MACC1: variants seen among roughly 807,000 people sequenced by gnomAD.
MACC1 encodes the protein metastasis-associated in colon cancer protein 1.
Under a neutral mutation model 70.7 loss-of-function variants are expected in MACC1, and 79 were observed. The ratio of observed to expected loss-of-function variants is 1.12; its 90% CI spans 0.93 to 1.35. The LOEUF is 1.35. Among genes scored for constraint, MACC1 ranks in the 40% most tolerant of loss-of-function variants. MACC1 has a pLI of 0.00. For missense variants in MACC1, 1,106 were observed against 978.1 expected (o/e 1.13, Z -1.74); for synonymous variants, 361 against 347.2 (o/e 1.04, Z -0.44).
intron 1 of MACC1, among the ~76,000 whole-genome samples, chr7:20,183,997 C>G (rs868799557): frequency 1.3e-5 from 2 of 152,094 alleles, no homozygotes; most frequent in Non-Finnish European, 2.9e-5. Context: ...CATGAGCCAC[C>G]ACACCTGGCC....
chr7:20,182,217 G>C (rs1307376859), intron 1 of MACC1, among the ~76,000 whole-genome samples: 2 of 150,902 alleles, frequency 1.3e-5, no homozygotes, highest in East Asian at 2.0e-4. Context: ...TGGAGGGATA[G>C]CATTAGGAGA....
chr7:20,140,856 C>G lies in MACC1; in HGVS notation c.*90G>C. The G allele has an allele frequency of 2.2e-6, 2 of 890,950 alleles. No individual in the cohort carries two copies. The highest frequency in any genetic ancestry group is 3.4e-6 in the Non-Finnish European group (2 of 581,112). The allele number at this position is 890,950 out of a possible 1,614,324, so 55.2% of individuals were successfully genotyped here. On this transcript the variant is annotated 3_prime_UTR_variant, in exon 7 of 7. Coordinates refer to ENST00000400331, the MANE Select transcript of MACC1 (RefSeq NM_182762.4). ...ACACACACAGACACACACACACAGA[C>G]ACACAGAGACACACACAGACACACA... is the stretch of plus-strand genomic sequence containing the variant.
At chr7:20,184,533 G>T (rs1429670645) in intron 1 of MACC1, among the ~76,000 whole-genome samples, 6 of 152,118 alleles carry the variant, frequency 3.9e-5, no homozygotes, top group Non-Finnish European at 8.8e-5. Flanking sequence ...AAGCAGCAAA[G>T]AATTGTTATA....
intron 1 of MACC1, among the ~76,000 whole-genome samples, chr7:20,193,696 C>A (rs1169390314): frequency 1.3e-5 from 2 of 152,096 alleles, no homozygotes; most frequent in African/African-American, 4.8e-5. Context: ...GGGCCATGTC[C>A]CACTTTGTAA....
chr7:20,216,867 C>G lies in MACC1; in HGVS notation c.-218+432G>C, dbSNP rs1372655212. ...AAACATCTTGTCAATGGTCATAAAT[C>G]TAATAAGCAGTGGGGCTGCTGATTG... On this transcript the variant is annotated intron_variant, in intron 1 of 6. Coordinates refer to ENST00000400331, the MANE Select transcript of MACC1 (RefSeq NM_182762.4). 9.8e-5 allele frequency among the ~76,000 whole-genome samples: 15 copies of G among 152,304 alleles called. No individual in the cohort carries two copies. In the East Asian group the frequency reaches 2.9e-3, roughly 29 times the overall value.
intron 6 of MACC1, among the ~76,000 whole-genome samples, chr7:20,146,713 C>T (rs1409484216): frequency 6.6e-6 from 1 of 152,166 alleles, no homozygotes; most frequent in Non-Finnish European, 1.5e-5. Context: ...AAAAGATATG[C>T]AGAAACTCTA....
At chr7:20,173,823 G>A (rs1490157871) in intron 1 of MACC1, among the ~76,000 whole-genome samples, 1 of 152,168 alleles carries the variant, frequency 6.6e-6, no homozygotes, top group Middle Eastern at 3.2e-3. Flanking sequence ...TGAGATTGAT[G>A]CTCTTGGGTA....
chr7:20,148,562 C>T (rs1192586695), intron 6 of MACC1, among the ~76,000 whole-genome samples: 5 of 152,066 alleles, frequency 3.3e-5, no homozygotes, highest in Non-Finnish European at 5.9e-5. Context: ...TAATGTTTAA[C>T]TTAATATGCA....
chr7:20,209,681 G>C (rs183444041), intron 1 of MACC1, among the ~76,000 whole-genome samples: 1 of 152,106 alleles, frequency 6.6e-6, no homozygotes, highest in African/African-American at 2.4e-5. Context: ...TTAAGGCTTT[G>C]GGGGGGACTA....
intron 4 of MACC1, among the ~76,000 whole-genome samples, chr7:20,161,190 GCAGAAGAGCCAACCAAATTTT>G (rs1235910049): frequency 6.6e-6 from 1 of 151,950 alleles, no homozygotes; most frequent in Non-Finnish European, 1.5e-5. Context: ...TTAGAGACAG[GCAGAAGAGCCAACCAAATTTT>G]CAGAAGTTCT....
At chr7:20,185,475 T>C (rs1024442852) in intron 1 of MACC1, among the ~76,000 whole-genome samples, 3 of 11,896 alleles carry the variant, frequency 2.5e-4, no homozygotes, top group Non-Finnish European at 1.4e-4. Flanking sequence ...GCTTACAAAG[T>C]TTATTTAAAA....
chr7:20,209,193 C>T (rs750017049), intron 1 of MACC1, among the ~76,000 whole-genome samples: 1 of 152,228 alleles, frequency 6.6e-6, no homozygotes, highest in South Asian at 2.1e-4. Context: ...CTCTGGGGCA[C>T]TGCCCAGTGG....
chr7:20,196,644 C>G (rs1782759372), intron 1 of MACC1, among the ~76,000 whole-genome samples: 1 of 151,828 alleles, frequency 6.6e-6, no homozygotes, highest in Admixed American at 6.6e-5. Flanking sequence ...TGTGTATGTG[C>G]TCTATGTAAT....
intron 1 of MACC1, among the ~76,000 whole-genome samples, chr7:20,190,487 C>A (rs1172479646): frequency 1.3e-5 from 2 of 152,128 alleles, no homozygotes; most frequent in African/African-American, 4.8e-5. Flanking sequence ...GTGGAACTGG[C>A]AAATGAATAT....
chr7:20,191,478 G>C (rs1483110643), intron 1 of MACC1, among the ~76,000 whole-genome samples: 1 of 131,680 alleles, frequency 7.6e-6, no homozygotes, highest in Middle Eastern at 3.3e-3. Context: ...GAACTGATGA[G>C]GAGGTGCTGC....
intron 1 of MACC1, 111 bp downstream of exon 1, chr7:20,217,188 G>C (rs1369510973): frequency 6.6e-6 from 1 of 152,168 alleles, no homozygotes; most frequent in African/African-American, 2.4e-5. Flanking sequence ...AGCAGGGCTT[G>C]ATTTGTTAAG....
chr7:20,207,377 C>G (rs1206506826), intron 1 of MACC1, among the ~76,000 whole-genome samples: 1 of 151,834 alleles, frequency 6.6e-6, no homozygotes, highest in African/African-American at 2.4e-5. Flanking sequence ...GTCTCAAACT[C>G]CTGACCTCAG....
At chr7:20,176,971 G>A (rs73685404) in intron 1 of MACC1, among the ~76,000 whole-genome samples, 7,438 of 152,202 alleles carry the variant, frequency 0.049, 615 homozygotes, top group African/African-American at 0.17. Context: ...GATCTTTGTA[G>A]TGATGAACTG....
chr7:20,183,228 T>G (rs1782536665), intron 1 of MACC1, among the ~76,000 whole-genome samples: 1 of 152,212 alleles, frequency 6.6e-6, no homozygotes, highest in Non-Finnish European at 1.5e-5. Flanking sequence ...TGAGAAGAAT[T>G]TGACAAACCA....
Sources: allele counts gnomAD v4.1 joint callset (sites outside exome capture counted in the v4.1 genomes callset), GRCh38; gene constraint gnomAD v4.1.1; transcripts MANE v1.5; gene names NCBI Gene and HGNC (gene_info 2026-07-23, HGNC 2026-07-21).